The following CHM variants were observed in gnomAD, a reference collection of about 807,000 sequenced individuals.
The protein encoded by CHM is CHM Rab escort protein.
A neutral mutation model predicts 49.0 loss-of-function variants in CHM; 10 were observed. That is an observed-to-expected ratio of 0.20 (90% CI 0.13 to 0.35). The LOEUF (loss-of-function observed/expected upper bound fraction) is 0.35, where lower values mean the gene tolerates loss of function less well. CHM is among the 10% of genes least tolerant of loss of function. The pLI is 1.00. For synonymous variants in CHM, 184 were observed against 167.5 expected (o/e 1.10, Z -0.76); for missense variants, 455 against 478.4 (o/e 0.95, Z 0.46).
At chrX:85,956,804 C>T (rs1930033329) in intron 7 of CHM, among the ~76,000 whole-genome samples, 1 of 111,113 alleles carries the variant, frequency 9.0e-6, no homozygotes, top group Admixed American at 9.6e-5. Context: ...GTATACTTCT[C>T]ACTGATACTC....
rs1423704107 is a variant in CHM, at chrX:85,978,745, C to T, written c.314+22G>A. The T allele has an allele frequency of 5.9e-6, 7 of 1,186,656 alleles. No individual in the cohort carries two copies. In the South Asian group the frequency reaches 1.1e-4, roughly 18 times the overall value. Reference sequence around the variant, plus strand: ...TGAAAAAGTCATTAATTTAGTTTACCTGCAGTAAATACTTTTCATACCTGG... The same window carrying T: ...TGAAAAAGTCATTAATTTAGTTTACTTGCAGTAAATACTTTTCATACCTGG... On this transcript the variant is annotated intron_variant, in intron 4 of 14. Transcript: ENST00000357749.
chrX:85,964,124 G>A (rs752641653), intron 4 of CHM, 72 bp from the exon 5 acceptor site: 1 of 981,923 alleles, frequency 1.0e-6, no homozygotes, highest in Admixed American at 2.9e-5. Context: ...CAAGTTCAGT[G>A]TACGTTTTGC....
intron 2 of CHM, among the ~76,000 whole-genome samples, chrX:86,025,483 C>A (rs777331923): frequency 6.4e-5 from 7 of 109,790 alleles, no homozygotes; most frequent in Admixed American, 2.0e-4. Flanking sequence ...CAAGACCAGC[C>A]TGGGTAGCAT....
intron 8 of CHM, among the ~76,000 whole-genome samples, chrX:85,934,260 A>G (rs865989120): frequency 2.1e-4 from 21 of 100,233 alleles, no homozygotes; most frequent in Non-Finnish European, 3.0e-4. Flanking sequence ...AATTACAGGC[A>G]TGAGCCACTG....
rs754998551 is a variant in CHM, at chrX:86,000,718, CATT to C, written c.117-18912_117-18910del. Among the ~76,000 whole-genome samples the C allele has an allele frequency of 7.2e-5, 8 of 110,644 alleles. No homozygotes were observed. The Admixed American group carries it at 7.8e-4, about 11-fold the overall frequency. On this transcript the variant is annotated intron_variant, in intron 2 of 14. Transcript: ENST00000357749. ...CAGCAACATGGGTGGAACTGGAGGT[CATT>C]ATGTTTAGTGAAATAAGCCAAGCAC...
intron 12 of CHM, among the ~76,000 whole-genome samples, chrX:85,888,285 C>T (rs73504281): frequency 0.071 from 7,914 of 111,695 alleles, 640 homozygotes; most frequent in African/African-American, 0.24. Context: ...TAACTCATAA[C>T]GTTATGAGTT....
intron 2 of CHM, among the ~76,000 whole-genome samples, chrX:86,017,033 G>A (rs1933332592): frequency 8.9e-6 from 1 of 112,445 alleles, no homozygotes; most frequent in African/African-American, 3.2e-5. Context: ...AAATTTGACT[G>A]CTCCACTAGA....
intron 8 of CHM, among the ~76,000 whole-genome samples, chrX:85,955,768 A>G (rs1929975842): frequency 8.9e-6 from 1 of 112,336 alleles, no homozygotes; most frequent in Non-Finnish European, 1.9e-5. Context: ...TGAAACATAC[A>G]CAAGGGTGTT....
chrX:85,897,195 A>C (rs1348985213), intron 11 of CHM, among the ~76,000 whole-genome samples: 1 of 98,686 alleles, frequency 1.0e-5, no homozygotes, highest in African/African-American at 3.7e-5. Context: ...ACTATATATT[A>C]TAAAGTATAT....
Position 85,947,463 on chromosome X carries a change from T to C in CHM, c.1166+8690A>G, listed in dbSNP as rs189808208. 5.4e-5 allele frequency among the ~76,000 whole-genome samples: 6 copies of C among 111,689 alleles called. No individual in the cohort carries two copies. The Admixed American group carries it at 5.7e-4, about 11-fold the overall frequency. On this transcript the variant is annotated intron_variant, in intron 8 of 14. Coordinates refer to ENST00000357749, the MANE Select transcript of CHM (RefSeq NM_000390.4). ...TTGCTCCTGCTCTGGTCATGTGACA[T>C]GTCTGCTGCCCTTTCGCCTTCCATC...
Position 85,957,894 on chromosome X carries a change from A to G in CHM, c.901T>C (p.Phe301Leu). 1 of 1,209,809 alleles carries G rather than the reference A, an allele frequency of 8.3e-7. No individual in the cohort carries two copies. Among genetic ancestry groups the G allele is most frequent in the Non-Finnish European group, 1.1e-6 (1 of 894,222 alleles). ...GGATATTTCTCATATTCCATACAAA[A>G]TGTAAGAAATTTCATTAGCATTCGC... ...EKRMLMKFLT[F>L]CMEYEKYPDE... Residue 301 changes from phenylalanine (F) to leucine (L), a missense_variant, in exon 7 of 15, where the codon TTT becomes CTT. Transcript: ENST00000357749.
At chrX:85,962,585 C>T (rs191960790) in intron 5 of CHM, among the ~76,000 whole-genome samples, 85 of 111,993 alleles carry the variant, frequency 7.6e-4, no homozygotes, top group Admixed American at 5.7e-3. Context: ...GAAGAAAGTA[C>T]ATTAAATTGA....
At chrX:85,957,079 A>C (rs1003965719) in intron 7 of CHM, among the ~76,000 whole-genome samples, 1 of 112,439 alleles carries the variant, frequency 8.9e-6, no homozygotes, top group Non-Finnish European at 1.9e-5. Context: ...GTGGATAACA[A>C]CATGACAGTA....
At chrX:85,988,225 T>C (rs1408166061) in intron 2 of CHM, among the ~76,000 whole-genome samples, 1 of 112,272 alleles carries the variant, frequency 8.9e-6, no homozygotes, top group Middle Eastern at 4.2e-3. Flanking sequence ...ATAAATGTGA[T>C]TCATCACATA....
chrX:85,878,086 TTA>T (rs899626420), intron 13 of CHM, among the ~76,000 whole-genome samples: 1 of 112,026 alleles, frequency 8.9e-6, no homozygotes, highest in Non-Finnish European at 1.9e-5. Context: ...TGCTACCCTA[TTA>T]TGTAGGGGGA....
chrX:85,946,410 C>T (rs764945486), intron 8 of CHM, among the ~76,000 whole-genome samples: 1 of 103,592 alleles, frequency 9.7e-6, no homozygotes, highest in African/African-American at 3.5e-5. Flanking sequence ...GGCCCAGGGC[C>T]CTGCTTCCCT....
At chrX:85,891,745 T>C (rs1342734491) in intron 12 of CHM, among the ~76,000 whole-genome samples, 1 of 112,282 alleles carries the variant, frequency 8.9e-6, no homozygotes, top group Non-Finnish European at 1.9e-5. Flanking sequence ...ATTCTGGCAC[T>C]GCCTAGTGGA....
At chrX:85,925,052 G>C (rs1928007875) in intron 8 of CHM, among the ~76,000 whole-genome samples, 1 of 111,395 alleles carries the variant, frequency 9.0e-6, no homozygotes, top group Non-Finnish European at 1.9e-5. Flanking sequence ...CTATGTATTG[G>C]ATGACAAAAA....
chrX:86,025,404 A>G (rs1933761523), intron 2 of CHM, among the ~76,000 whole-genome samples: 1 of 111,253 alleles, frequency 9.0e-6, no homozygotes, highest in South Asian at 3.8e-4. Context: ...AAAACACAAA[A>G]TAGGCCAGGT....
Sources: allele counts gnomAD v4.1 joint callset (sites outside exome capture counted in the v4.1 genomes callset), GRCh38; gene constraint gnomAD v4.1.1; transcripts MANE v1.5; gene names NCBI Gene and HGNC (gene_info 2026-07-23, HGNC 2026-07-21).